Variants in DYNC2I2 observed in about 807,000 individuals in gnomAD.
The protein encoded by DYNC2I2 is cytoplasmic dynein 2 intermediate chain 2.
DYNC2I2 carries 39 observed loss-of-function variants against 52.0 expected under a neutral mutation model. The ratio of observed to expected loss-of-function variants is 0.75; its 90% CI spans 0.58 to 0.98. DYNC2I2 has a LOEUF of 0.98. Among genes scored for constraint, DYNC2I2 ranks in the 50% least tolerant of loss-of-function variants. DYNC2I2 has a pLI of 0.00. For synonymous variants in DYNC2I2, 359 were observed against 321.1 expected (o/e 1.12, Z -1.26); for missense variants, 743 against 728.4 (o/e 1.02, Z -0.23).
the DYNC2I2 span, among the ~76,000 whole-genome samples, chr9:128,675,164 GTCTT>G: frequency 6.6e-6 from 1 of 152,078 alleles, no homozygotes. Context: ...ATGCCTTTGA[GTCTT>G]TATTTATTTT....
At chr9:128,634,038 G>T in intron 8 of DYNC2I2, 56 bp from the exon 9 acceptor site, 2 of 1,592,604 alleles carry the variant, frequency 1.3e-6, no homozygotes, top group Non-Finnish European at 1.7e-6. Context: ...CAACCACATG[G>T]CAGGAGGAGG....
intron 1 of DYNC2I2, among the ~76,000 whole-genome samples, chr9:128,647,205 C>G (rs1034117111): frequency 5.9e-5 from 9 of 152,228 alleles, no homozygotes; most frequent in Non-Finnish European, 1.3e-4. Flanking sequence ...CACCATTACT[C>G]TTTGTGCTCC....
At chr9:128,673,748 C>T in the DYNC2I2 span, among the ~76,000 whole-genome samples, 9 of 151,606 alleles carry the variant, frequency 5.9e-5, no homozygotes, top group East Asian at 1.9e-4. Context: ...CCTCGTGATC[C>T]GCCCCCCTAG....
chr9:128,682,294 C>T, the DYNC2I2 span, among the ~76,000 whole-genome samples: 4 of 151,790 alleles, frequency 2.6e-5, no homozygotes, highest in African/African-American at 4.8e-5. Context: ...GTGATCCACC[C>T]GCATCAGCCT....
chr9:128,653,285 T>C (rs1860753360), intron 1 of DYNC2I2, among the ~76,000 whole-genome samples: 1 of 150,224 alleles, frequency 6.7e-6, no homozygotes, highest in Non-Finnish European at 1.5e-5. Context: ...AGGCTTGTAA[T>C]ATCTATACCT....
the DYNC2I2 span, among the ~76,000 whole-genome samples, chr9:128,682,738 C>G: frequency 7.1e-6 from 1 of 140,198 alleles, no homozygotes; most frequent in Non-Finnish European, 1.5e-5. Context: ...TGCAGTGTTG[C>G]GATCTCAGCT....
intron 3 of DYNC2I2, 71 bp from the exon 4 acceptor site, chr9:128,636,509 C>T (rs1339899686): frequency 7.9e-6 from 12 of 1,512,768 alleles, no homozygotes; most frequent in Non-Finnish European, 8.9e-7. Flanking sequence ...ACCTCTCTCC[C>T]CACTAGCCCC....
At position 128,656,497 on chromosome 9, in the gene DYNC2I2, C is replaced by T. The variant is rs997510697; in HGVS notation, c.186+44G>A. The T allele has an allele frequency of 6.5e-6, 8 of 1,236,740 alleles. No homozygotes were observed. The African/African-American group carries it at 1.3e-4, about 20-fold the overall frequency. The allele number at this position is 1,236,740 out of a possible 1,614,324, so 76.6% of individuals were successfully genotyped here. A position where few individuals can be genotyped will look rare whatever the true frequency, so the allele number is the denominator to read the frequency against. ...CCGCCCGGCAGCCGCGCTGCGACCC[C>T]GCCTTCCCGCCCGCGTCGCTCCGCG... is the stretch of plus-strand genomic sequence containing the variant. On this transcript the variant is annotated intron_variant, in intron 1 of 8. Transcript: ENST00000372715.
rs1860343807 is a variant in DYNC2I2, at chr9:128,634,799, C to T, written c.1104G>A (p.Glu368=). Residue 368 remains glutamate, a synonymous_variant, in exon 7 of 9, where the codon GAG becomes GAA. Transcript: ENST00000372715. ...AGCTGGGCATCCGCGTGAGGGCTGC[C>T]TCTCCAGCTGCCAGGGAACACTTGA... The part of the protein sequence containing the change: ...FPLKCSLAAG[E]AALTRMPSSV... The T allele has an allele frequency of 6.2e-7, 1 of 1,612,156 alleles. No individual in the cohort carries two copies. Among genetic ancestry groups the T allele is most frequent in the Non-Finnish European group, 8.5e-7 (1 of 1,179,252 alleles).
chr9:128,666,166 A>T, the DYNC2I2 span, among the ~76,000 whole-genome samples: 42 of 152,090 alleles, frequency 2.8e-4, 1 homozygote, highest in East Asian at 7.9e-3. Context: ...ACTTGAGGTC[A>T]GCAGTTCGAG....
chr9:128,683,295 A>G, the DYNC2I2 span: 1 of 79,094 alleles, frequency 1.3e-5, no homozygotes, highest in South Asian at 5.0e-4. Context: ...TTTTTTTTTA[A>G]AGCAGGCATC....
chr9:128,645,993 C>T (rs546213756), intron 1 of DYNC2I2, among the ~76,000 whole-genome samples: 2 of 152,284 alleles, frequency 1.3e-5, no homozygotes, highest in African/African-American at 4.8e-5. Flanking sequence ...TCTTCAACTC[C>T]ATGAAGGCTG....
rs1860333727 is a variant in DYNC2I2, at chr9:128,634,673, G to GGCCT, written c.1214+12_1214+15dup. 4 of 1,521,604 alleles carry GGCCT rather than the reference G, an allele frequency of 2.6e-6. No individual in the cohort carries two copies. The East Asian group carries it at 9.7e-5, about 37-fold the overall frequency. The allele number at this position is 1,521,604 out of a possible 1,614,324, so 94.3% of individuals were successfully genotyped here. A position where few individuals can be genotyped will look rare whatever the true frequency, so the allele number is the denominator to read the frequency against. On this transcript the variant is annotated intron_variant, in intron 7 of 8. Coordinates refer to ENST00000372715, the MANE Select transcript of DYNC2I2 (RefSeq NM_052844.4). ...GACACCCTGGCCCCACTGTGCCCCAGGCCTGCCCTACGTACCTGTGGAAGG... is the reference window on the plus strand; with the variant it reads ...GACACCCTGGCCCCACTGTGCCCCAGGCCTGCCTGCCCTACGTACCTGTGGAAGG...
chr9:128,654,182 G>A (rs943902463), intron 1 of DYNC2I2, among the ~76,000 whole-genome samples: 12 of 152,116 alleles, frequency 7.9e-5, no homozygotes, highest in Admixed American at 3.3e-4. Flanking sequence ...ACAGCAAAGC[G>A]GGAAGTGCGT....
At chr9:128,664,356 A>G in the DYNC2I2 span, among the ~76,000 whole-genome samples, 1 of 152,096 alleles carries the variant, frequency 6.6e-6, no homozygotes, top group Non-Finnish European at 1.5e-5. Context: ...TATTTTGTGT[A>G]TTTTGTTCAA....
upstream of DYNC2I2, among the ~76,000 whole-genome samples, chr9:128,660,638 G>A (rs986834234): frequency 3.9e-5 from 6 of 152,020 alleles, no homozygotes; most frequent in Non-Finnish European, 8.8e-5. Context: ...CTCATGATCC[G>A]CCCACCTCAG....
At chr9:128,647,913 C>T (rs1036499165) in intron 1 of DYNC2I2, among the ~76,000 whole-genome samples, 1 of 152,072 alleles carries the variant, frequency 6.6e-6, no homozygotes, top group African/African-American at 2.4e-5. Flanking sequence ...AAGCCCAATT[C>T]TCCTGCCCCA....
chr9:128,681,152 G>A, the DYNC2I2 span, among the ~76,000 whole-genome samples: 17 of 151,862 alleles, frequency 1.1e-4, no homozygotes, highest in Admixed American at 9.8e-4. Flanking sequence ...GTGCAGTGGC[G>A]CAGTCTCGGC....
At chr9:128,664,314 T>G in the DYNC2I2 span, among the ~76,000 whole-genome samples, 1 of 151,962 alleles carries the variant, frequency 6.6e-6, no homozygotes, top group South Asian at 2.1e-4. Context: ...ATGTCTCTGT[T>G]CAAAAGCCAA....
Sources: allele counts gnomAD v4.1 joint callset (sites outside exome capture counted in the v4.1 genomes callset), GRCh38; gene constraint gnomAD v4.1.1; transcripts MANE v1.5; gene names NCBI Gene and HGNC (gene_info 2026-07-23, HGNC 2026-07-21).